Variants in DOCK2 observed in about 807,000 individuals in gnomAD.
DOCK2 encodes the protein dedicator of cytokinesis protein 2.
Under a neutral mutation model 248.9 loss-of-function variants are expected in DOCK2, and 87 were observed. That is an observed-to-expected ratio of 0.35 (90% CI 0.29 to 0.42). The LOEUF is 0.42. Ranked by LOEUF, DOCK2 falls within the 10% of genes least tolerant of loss-of-function variation. The probability of loss-of-function intolerance (pLI) is 1.00; values close to 1 mark genes in which losing one functional copy is unlikely to be tolerated. For synonymous variants in DOCK2, 805 were observed against 821.6 expected, an observed-to-expected ratio of 0.98 and a Z score of 0.35; for missense variants, 1,747 against 2,300.2, an observed-to-expected ratio of 0.76 and a Z score of 4.92.
At chr5:169,799,776 A>G (rs1766855920) in intron 25 of DOCK2, among the ~76,000 whole-genome samples, 1 of 152,036 alleles carries the variant, frequency 6.6e-6, no homozygotes, top group Non-Finnish European at 1.5e-5. Context: ...TAATCAATGT[A>G]TTGTACTCTC....
At chr5:169,930,226 G>A (rs1481743160) in intron 27 of DOCK2, among the ~76,000 whole-genome samples, 1 of 152,156 alleles carries the variant, frequency 6.6e-6, no homozygotes, top group African/African-American at 2.4e-5. Context: ...TCCTGACCTT[G>A]TGATCCGCCT....
intron 30 of DOCK2, among the ~76,000 whole-genome samples, chr5:170,002,575 T>C (rs1754877255): frequency 6.6e-6 from 1 of 152,198 alleles, no homozygotes; most frequent in Non-Finnish European, 1.5e-5. Context: ...TATCATTTAT[T>C]TTTTTAACTA....
intron 27 of DOCK2, among the ~76,000 whole-genome samples, chr5:169,895,010 C>A (rs1159726382): frequency 1.3e-5 from 2 of 152,138 alleles, no homozygotes; most frequent in Admixed American, 1.3e-4. Context: ...TCATTCATTT[C>A]CTCCTCTCGT....
intron 27 of DOCK2, chr5:169,875,236 G>C (rs969353880): frequency 6.6e-6 from 3 of 456,648 alleles, no homozygotes; most frequent in Non-Finnish European, 8.8e-6. Flanking sequence ...GGAGCTTGCT[G>C]CAACTGCGGA....
intron 26 of DOCK2, among the ~76,000 whole-genome samples, chr5:169,840,046 G>A (rs1010193083): frequency 1.3e-5 from 2 of 152,194 alleles, no homozygotes; most frequent in Non-Finnish European, 2.9e-5. Context: ...AGAAATACCT[G>A]AGACTGGGTA....
At chr5:169,835,474 C>T (rs1307614140) in intron 26 of DOCK2, among the ~76,000 whole-genome samples, 5 of 151,670 alleles carry the variant, frequency 3.3e-5, no homozygotes, top group African/African-American at 7.3e-5. Context: ...AGGCTGGTCT[C>T]GAACTCCTGA....
intron 22 of DOCK2, among the ~76,000 whole-genome samples, chr5:169,722,271 C>G (rs17071621): frequency 0.016 from 2,397 of 152,306 alleles, 58 homozygotes; most frequent in African/African-American, 0.055. Flanking sequence ...TGGAATTACA[C>G]AAAGTTTGGA....
chr5:169,643,181 T>C (rs773117753), intron 1 of DOCK2, among the ~76,000 whole-genome samples: 2 of 152,166 alleles, frequency 1.3e-5, no homozygotes, highest in Non-Finnish European at 2.9e-5. Context: ...CTTATTCTGT[T>C]GTTAGTTCTC....
At position 170,076,016 on chromosome 5, in the gene DOCK2, G is replaced by T; in HGVS notation, c.4798G>T (p.Asp1600Tyr). 1 of 1,614,116 alleles carries T rather than the reference G, an allele frequency of 6.2e-7. No individual in the cohort carries two copies. Among genetic ancestry groups the T allele is most frequent in the Non-Finnish European group, 8.5e-7 (1 of 1,180,024 alleles). ...GTCAGATAACTTGCGACCCTTCCATGACCGGATGGAGGAATGTTTCAAGAA... is the reference window on the plus strand; with the variant it reads ...GTCAGATAACTTGCGACCCTTCCATTACCGGATGGAGGAATGTTTCAAGAA... The part of the protein sequence containing the change: ...RVSDNLRPFH[D>Y]RMEECFKNLK... Residue 1600 changes from aspartate (D) to tyrosine (Y), a missense_variant, in exon 47 of 52, where the codon GAC becomes TAC. Around this residue, in one of 4 missense-constraint regions of DOCK2, gnomAD observed 513 missense variants for 586.1 expected, o/e 0.88. Transcript: ENST00000520908.
intron 26 of DOCK2, among the ~76,000 whole-genome samples, chr5:169,835,898 G>T (rs1453678583): frequency 6.6e-6 from 1 of 151,882 alleles, no homozygotes; most frequent in Non-Finnish European, 1.5e-5. Flanking sequence ...GGGACTACAA[G>T]TGTGCACCAC....
intron 27 of DOCK2, among the ~76,000 whole-genome samples, chr5:169,969,349 G>A (rs1412923654): frequency 6.6e-6 from 1 of 152,100 alleles, no homozygotes; most frequent in Non-Finnish European, 1.5e-5. Flanking sequence ...GGAGGCTGAG[G>A]CAGGAGATTC....
At chr5:170,021,369 CG>C (rs1006664042) in intron 33 of DOCK2, among the ~76,000 whole-genome samples, 1 of 152,176 alleles carries the variant, frequency 6.6e-6, no homozygotes, top group Non-Finnish European at 1.5e-5. Context: ...CTGAGGCCAG[CG>C]GGTGCCTTAG....
At chr5:169,999,222 C>T (rs971628420) in intron 30 of DOCK2, among the ~76,000 whole-genome samples, 1 of 152,164 alleles carries the variant, frequency 6.6e-6, no homozygotes, top group Non-Finnish European at 1.5e-5. Context: ...GGGTTTCATA[C>T]ATGAGAAGTA....
chr5:169,948,408 A>G (rs1776528838), intron 27 of DOCK2, among the ~76,000 whole-genome samples: 1 of 152,078 alleles, frequency 6.6e-6, no homozygotes, highest in Non-Finnish European at 1.5e-5. Flanking sequence ...CTGTTTTTTC[A>G]TACCCATTCA....
intron 26 of DOCK2, among the ~76,000 whole-genome samples, chr5:169,808,251 A>G (rs1229497310): frequency 6.6e-6 from 1 of 152,128 alleles, no homozygotes; most frequent in Non-Finnish European, 1.5e-5. Context: ...CCAGGGTAGA[A>G]CCACGTGTGG....
intron 44 of DOCK2, among the ~76,000 whole-genome samples, chr5:170,066,636 G>A (rs1561906288): frequency 6.6e-6 from 1 of 152,252 alleles, no homozygotes; most frequent in South Asian, 2.1e-4. Flanking sequence ...AGTATAGATC[G>A]TGTGTTAGAC....
chr5:169,967,111 C>CAG (rs1218130414), intron 27 of DOCK2, among the ~76,000 whole-genome samples: 1 of 152,206 alleles, frequency 6.6e-6, no homozygotes, highest in Non-Finnish European at 1.5e-5. Context: ...GACACTGAGC[C>CAG]AGTCTCTGCC....
intron 1 of DOCK2, 41 bp downstream of exon 1, chr5:169,637,410 T>G: frequency 7.6e-7 from 1 of 1,323,182 alleles, no homozygotes; most frequent in Non-Finnish European, 9.6e-7. Flanking sequence ...GCGGGACAGG[T>G]GGCGGGAGAG....
At chr5:169,775,875 G>A (rs1765356121) in intron 25 of DOCK2, among the ~76,000 whole-genome samples, 1 of 151,712 alleles carries the variant, frequency 6.6e-6, no homozygotes, top group Non-Finnish European at 1.5e-5. Flanking sequence ...AGCAGCCCTT[G>A]GGATTCCTCC....
Sources: allele counts gnomAD v4.1 joint callset (sites outside exome capture counted in the v4.1 genomes callset), GRCh38; gene constraint gnomAD v4.1.1; regional missense constraint gnomAD v4.1.1; transcripts MANE v1.5; gene names NCBI Gene and HGNC (gene_info 2026-07-23, HGNC 2026-07-21).